Variants in AKAP6 observed in about 807,000 individuals in gnomAD.
The protein encoded by AKAP6 is A-kinase anchor protein 6.
A neutral mutation model predicts 188.5 loss-of-function variants in AKAP6; 58 were observed. The ratio of observed to expected loss-of-function variants is 0.31; its 90% CI spans 0.25 to 0.38. The LOEUF is 0.38. Ranked by LOEUF, AKAP6 falls within the 10% of genes least tolerant of loss-of-function variation. AKAP6 has a pLI of 1.00. For missense variants in AKAP6, 2,710 were observed against 2,740.0 expected (o/e 0.99, Z 0.24); for synonymous variants, 989 against 998.6 (o/e 0.99, Z 0.18).
intron 9 of AKAP6, among the ~76,000 whole-genome samples, chr14:32,699,331 C>T (rs551460654): frequency 1.3e-5 from 2 of 152,172 alleles, no homozygotes; most frequent in Non-Finnish European, 2.9e-5. Flanking sequence ...TAATCCAAAG[C>T]CAGCAAAATA....
chr14:32,742,914 G>A (rs1161633869), intron 11 of AKAP6, among the ~76,000 whole-genome samples: 1 of 152,032 alleles, frequency 6.6e-6, no homozygotes, highest in Non-Finnish European at 1.5e-5. Flanking sequence ...TAAATCCAAT[G>A]TTTTTTTCTT....
intron 1 of AKAP6, among the ~76,000 whole-genome samples, chr14:32,390,802 C>G (rs1888689381): frequency 6.6e-6 from 1 of 152,102 alleles, no homozygotes; most frequent in Non-Finnish European, 1.5e-5. Flanking sequence ...TGTGGGTCCT[C>G]TCAGGTTTCC....
intron 4 of AKAP6, among the ~76,000 whole-genome samples, chr14:32,558,971 T>C (rs13379415): frequency 0.018 from 2,740 of 152,282 alleles, 72 homozygotes; most frequent in African/African-American, 0.059. Flanking sequence ...GGGAGGAAGG[T>C]GTCTCGTAAA....
intron 2 of AKAP6, among the ~76,000 whole-genome samples, chr14:32,508,935 C>T (rs1594690130): frequency 6.6e-6 from 1 of 151,050 alleles, no homozygotes; most frequent in African/African-American, 2.4e-5. Flanking sequence ...AGCGATTCTC[C>T]TGCCTCAGCT....
At chr14:32,358,813 A>G (rs1470370075) in intron 1 of AKAP6, among the ~76,000 whole-genome samples, 2 of 152,184 alleles carry the variant, frequency 1.3e-5, no homozygotes, top group East Asian at 3.9e-4. Context: ...CTAAGGGTCA[A>G]TCATCATACA....
At chr14:32,709,380 A>G (rs1422105302) in intron 9 of AKAP6, among the ~76,000 whole-genome samples, 1 of 151,876 alleles carries the variant, frequency 6.6e-6, no homozygotes, top group Non-Finnish European at 1.5e-5. Context: ...GCTGCTCAGA[A>G]CTATACCCTG....
chr14:32,668,184 C>T (rs1889030615), intron 7 of AKAP6, among the ~76,000 whole-genome samples: 1 of 152,066 alleles, frequency 6.6e-6, no homozygotes, highest in South Asian at 2.1e-4. Context: ...TCAGTCCACA[C>T]AGTATATTTG....
chr14:32,786,849 C>A (rs1410828865), intron 12 of AKAP6, among the ~76,000 whole-genome samples: 4 of 151,912 alleles, frequency 2.6e-5, no homozygotes, highest in Non-Finnish European at 5.9e-5. Flanking sequence ...GCTTTTGAAT[C>A]CTTTGTGAAT....
intron 5 of AKAP6, among the ~76,000 whole-genome samples, chr14:32,591,151 T>C (rs1448949473): frequency 6.6e-6 from 1 of 152,214 alleles, no homozygotes; most frequent in Non-Finnish European, 1.5e-5. Context: ...TGCACATCAA[T>C]TATTCCACCT....
intron 7 of AKAP6, among the ~76,000 whole-genome samples, chr14:32,612,282 T>C (rs551289996): frequency 1.8e-4 from 27 of 152,312 alleles, no homozygotes; most frequent in African/African-American, 5.8e-4. Flanking sequence ...GACCGCAAAC[T>C]CCTTGGGGCA....
chr14:32,413,173 AAATT>A (rs1303569859), intron 1 of AKAP6, among the ~76,000 whole-genome samples: 1 of 68,950 alleles, frequency 1.5e-5, no homozygotes, highest in Non-Finnish European at 3.5e-5. Flanking sequence ...GTATTTATTG[AAATT>A]TTTTTTTTTT....
chr14:32,398,844 GTTTTTTTTTT>G (rs773955888), intron 1 of AKAP6, among the ~76,000 whole-genome samples: 2 of 60,976 alleles, frequency 3.3e-5, no homozygotes, highest in African/African-American at 6.4e-5. Flanking sequence ...CTTTCTTCCT[GTTTTTTTTTT>G]TTTTTTTTTT....
At chr14:32,772,042 G>T (rs1328437548) in intron 11 of AKAP6, among the ~76,000 whole-genome samples, 2 of 152,074 alleles carry the variant, frequency 1.3e-5, no homozygotes, top group African/African-American at 4.8e-5. Context: ...AAGGGTGTGT[G>T]TGGATGTGTG....
At chr14:32,487,193 T>G (rs1421835867) in intron 2 of AKAP6, among the ~76,000 whole-genome samples, 1 of 152,260 alleles carries the variant, frequency 6.6e-6, no homozygotes, top group Non-Finnish European at 1.5e-5. Context: ...GATAAGTGTT[T>G]TAATGTACTG....
At chr14:32,357,653 G>A (rs759068871) in intron 1 of AKAP6, among the ~76,000 whole-genome samples, 10 of 152,294 alleles carry the variant, frequency 6.6e-5, no homozygotes, top group Middle Eastern at 3.4e-3. Flanking sequence ...AACACATGTG[G>A]CACCTTTATG....
At chr14:32,624,561 A>G (rs547624526) in intron 7 of AKAP6, among the ~76,000 whole-genome samples, 2 of 152,170 alleles carry the variant, frequency 1.3e-5, no homozygotes, top group Non-Finnish European at 2.9e-5. Flanking sequence ...CAGATTTCCT[A>G]TGTAAAAGAG....
chr14:32,780,154 A>AT (rs2033196265), intron 12 of AKAP6, among the ~76,000 whole-genome samples: 1 of 137,716 alleles, frequency 7.3e-6, no homozygotes, highest in African/African-American at 3.0e-5. Flanking sequence ...TTGAAAAAAA[A>AT]AACATATATA....
chr14:32,482,642 G>T (rs953736064), intron 2 of AKAP6, among the ~76,000 whole-genome samples: 10 of 152,086 alleles, frequency 6.6e-5, no homozygotes, highest in Non-Finnish European at 1.5e-4. Flanking sequence ...AAAAGTGCTT[G>T]GCACAGAAAA....
At chr14:32,449,521 C>CAAA (rs33960351) in intron 2 of AKAP6, among the ~76,000 whole-genome samples, 11 of 104,588 alleles carry the variant, frequency 1.1e-4, no homozygotes, top group Middle Eastern at 4.7e-3. Flanking sequence ...GACTCCATCT[C>CAAA]AAAAAAAAAA....
Sources: gnomAD v4.1 joint callset for allele counts (sites outside exome capture counted in the v4.1 genomes callset) on GRCh38, gnomAD v4.1.1 for gene constraint, MANE v1.5 for transcripts, NCBI Gene and HGNC (gene_info 2026-07-23, HGNC 2026-07-21) for gene names.